The following ANKHD1 variants were observed in gnomAD, a reference collection of about 807,000 sequenced individuals.
ANKHD1 encodes ankyrin repeat and KH domain-containing protein 1.
Under a neutral mutation model 230.5 loss-of-function variants are expected in ANKHD1, and 31 were observed. The ratio of observed to expected loss-of-function variants is 0.13; its 90% CI spans 0.10 to 0.18. The LOEUF (loss-of-function observed/expected upper bound fraction) is 0.18, where lower values mean the gene tolerates loss of function less well. Ranked by LOEUF, ANKHD1 falls within the 10% of genes least tolerant of loss-of-function variation. The pLI is 1.00. For synonymous variants in ANKHD1, 1,074 were observed against 1,117.6 expected, an observed-to-expected ratio of 0.96 and a Z score of 0.78; for missense variants, 2,256 against 3,071.3, an observed-to-expected ratio of 0.73 and a Z score of 6.27.
At chr5:140,535,668 GT>G in intron 30 of ANKHD1, 130 bp downstream of exon 30, 1 of 1,238,748 alleles carries the variant, frequency 8.1e-7, no homozygotes, top group Non-Finnish European at 1.0e-6. Context: ...TTGTTCTGTG[GT>G]CATGTGAAAA....
chr5:140,447,251 G>A (rs983458590), intron 6 of ANKHD1, among the ~76,000 whole-genome samples: 1 of 151,684 alleles, frequency 6.6e-6, no homozygotes, highest in Non-Finnish European at 1.5e-5. Flanking sequence ...CACCCAGGAC[G>A]GAGTGCAGTG....
chr5:140,415,873 G>T (rs1198369999), intron 1 of ANKHD1, among the ~76,000 whole-genome samples: 1 of 151,846 alleles, frequency 6.6e-6, no homozygotes, highest in African/African-American at 2.4e-5. Context: ...GTGCCATGTT[G>T]GTGTGCTGTA....
In ANKHD1 at chr5:140,509,820, C is replaced by T. The variant is rs761717790; in HGVS notation, c.3941+8C>T. 2 of 1,603,960 alleles carry T rather than the reference C, an allele frequency of 1.2e-6. No homozygotes were observed. The highest frequency in any genetic ancestry group is 1.1e-5 in the South Asian group (1 of 88,134). On this transcript the variant is annotated splice_region_variant and intron_variant, in intron 21 of 33. Coordinates refer to ENST00000360839, the MANE Select transcript of ANKHD1 (RefSeq NM_017747.3). ...TGAACTCCTGATTCATAGGTGAGTACTTTTCTATTATATGTAGAACTTCTC... is the reference window on the plus strand; with the variant it reads ...TGAACTCCTGATTCATAGGTGAGTATTTTTCTATTATATGTAGAACTTCTC...
rs1440829643 is a variant in ANKHD1 at position 140,518,854 on chromosome 5, C to T, written c.4318-5212C>T. ...ATACTGAATGGGCAAAAACTGGAAG[C>T]GTTCCCTTTGAAAACGGGCACAAGA... is the stretch of plus-strand genomic sequence containing the variant. On this transcript the variant is annotated intron_variant, in intron 24 of 33. Coordinates refer to ENST00000360839, the MANE Select transcript of ANKHD1 (RefSeq NM_017747.3). Among the ~76,000 whole-genome samples, 8 of 152,196 alleles carry T rather than the reference C, an allele frequency of 5.3e-5. No individual in the cohort carries two copies. The South Asian group carries it at 6.2e-4, about 12-fold the overall frequency.
chr5:140,503,072 C>T (rs767687705), intron 15 of ANKHD1, among the ~76,000 whole-genome samples: 25 of 152,144 alleles, frequency 1.6e-4, no homozygotes, highest in Non-Finnish European at 3.5e-4. Context: ...TTCACACTTA[C>T]GAATAGTATC....
At position 140,401,838 on chromosome 5, in the gene ANKHD1, G is replaced by C; in HGVS notation, c.-130G>C. 7.2e-7 allele frequency: 1 copy of C among 1,387,904 alleles called. No homozygotes were observed. Among genetic ancestry groups the C allele is most frequent in the Admixed American group, 3.5e-5 (1 of 28,606 alleles). 86.0% of individuals were successfully genotyped at this position (1,387,904 alleles called of 1,614,324 possible). A position where few individuals can be genotyped will look rare whatever the true frequency, so the allele number is the denominator to read the frequency against. On this transcript the variant is annotated 5_prime_UTR_variant, in exon 1 of 34. Coordinates refer to ENST00000360839, the MANE Select transcript of ANKHD1 (RefSeq NM_017747.3). ...CGGGAGGCAGCAGGTTAGGCAGTGA[G>C]AAGTTAGTGGCGCTGCTGGGACGGG...
chr5:140,425,733 A>T (rs1039120416), intron 1 of ANKHD1, among the ~76,000 whole-genome samples: 6 of 152,050 alleles, frequency 3.9e-5, no homozygotes, highest in Non-Finnish European at 8.8e-5. Flanking sequence ...AACAAAACTC[A>T]CCCCTAAGTT....
intron 1 of ANKHD1, among the ~76,000 whole-genome samples, chr5:140,424,023 G>A (rs1425036953): frequency 6.6e-6 from 1 of 152,172 alleles, no homozygotes; most frequent in Middle Eastern, 3.4e-3. Context: ...AAATTCCTTG[G>A]TATGGCAGAC....
rs770692933 is a variant in ANKHD1 at position 140,529,183 on chromosome 5, G to C, written c.6237G>C (p.Glu2079Asp). 9.3e-6 allele frequency: 15 copies of C among 1,614,040 alleles called. No homozygotes were observed. In the South Asian group the frequency reaches 1.6e-4, roughly 18 times the overall value. ...CTCCTACTTCCAGTAACACACAAGA[G>C]GAGGCACAGCCATCCAGTGTGTCTG... ...SPTPTSSNTQEEAQPSSVSDL... is the reference protein window; with the variant it reads ...SPTPTSSNTQDEAQPSSVSDL... The change falls in exon 29 of 34, where the codon GAG becomes GAC. Residue 2079 changes from glutamate (E) to aspartate (D), a missense_variant. By Grantham distance (45) the Glu-to-Asp change is conservative. Coordinates refer to ENST00000360839, the MANE Select transcript of ANKHD1 (RefSeq NM_017747.3).
At chr5:140,457,180 C>T (rs1398189480) in intron 7 of ANKHD1, among the ~76,000 whole-genome samples, 4 of 152,004 alleles carry the variant, frequency 2.6e-5, no homozygotes, top group Admixed American at 2.0e-4. Flanking sequence ...GTTAGAATGG[C>T]GATCATTAAA....
chr5:140,415,962 G>GGT (rs759699970), intron 1 of ANKHD1, among the ~76,000 whole-genome samples: 15 of 151,690 alleles, frequency 9.9e-5, no homozygotes, highest in Admixed American at 4.6e-4. Context: ...GACAGGCCCC[G>GGT]GTGTGTGATG....
intron 31 of ANKHD1, 72 bp from the exon 32 acceptor site, chr5:140,538,014 T>C (rs1215107542): frequency 5.2e-6 from 8 of 1,527,024 alleles, no homozygotes; most frequent in Non-Finnish European, 7.0e-6. Flanking sequence ...TCATGTTTGG[T>C]AATAACAATG....
At chr5:140,520,929 T>TA (rs370538341) in intron 24 of ANKHD1, among the ~76,000 whole-genome samples, 28,330 of 112,774 alleles carry the variant, frequency 0.25, 2,878 homozygotes, top group East Asian at 0.34. Flanking sequence ...TAAAGTATAA[T>TA]AAAAAAAAAA....
At chr5:140,439,655 G>A (rs1773706668) in intron 3 of ANKHD1, among the ~76,000 whole-genome samples, 1 of 151,998 alleles carries the variant, frequency 6.6e-6, no homozygotes, top group African/African-American at 2.4e-5. Flanking sequence ...GGGCAACAGA[G>A]TGAGACTCTG....
chr5:140,455,667 C>A (rs1775120986), intron 7 of ANKHD1, among the ~76,000 whole-genome samples: 1 of 152,188 alleles, frequency 6.6e-6, no homozygotes, highest in African/African-American at 2.4e-5. Flanking sequence ...TTCAACAACC[C>A]TTCATGCTAA....
At chr5:140,459,023 T>TGC in intron 8 of ANKHD1, 141 bp from the exon 9 acceptor site, 1 of 124,032 alleles carries the variant, frequency 8.1e-6, no homozygotes, top group African/African-American at 3.8e-5. Context: ...TATATATATA[T>TGC]ATATATTGCA....
intron 9 of ANKHD1, among the ~76,000 whole-genome samples, chr5:140,462,029 A>T (rs929542775): frequency 4.6e-5 from 7 of 152,086 alleles, no homozygotes; most frequent in Non-Finnish European, 8.8e-5. Context: ...AAGAAATAGA[A>T]TGTTTTTCCA....
At chr5:140,483,867 T>C (rs750705068) in intron 11 of ANKHD1, among the ~76,000 whole-genome samples, 15 of 152,186 alleles carry the variant, frequency 9.9e-5, no homozygotes, top group African/African-American at 2.2e-4. Context: ...TTACATAATA[T>C]AGTCTGTAAA....
At chr5:140,443,675 G>A (rs112103469) in intron 5 of ANKHD1, among the ~76,000 whole-genome samples, 264 of 147,070 alleles carry the variant, frequency 1.8e-3, no homozygotes, top group African/African-American at 5.7e-3. Context: ...GCGAGACTCC[G>A]TCTATAAAAA....
Sources: gnomAD v4.1 joint callset for allele counts (sites outside exome capture counted in the v4.1 genomes callset) on GRCh38, gnomAD v4.1.1 for gene constraint, MANE v1.5 for transcripts, NCBI Gene and HGNC (gene_info 2026-07-23, HGNC 2026-07-21) for gene names.